NFIA: variants seen among roughly 807,000 people sequenced by gnomAD.
NFIA encodes nuclear factor I A.
NFIA carries 8 observed loss-of-function variants against 62.8 expected under a neutral mutation model. That is an observed-to-expected ratio of 0.13 (90% CI 0.07 to 0.23). The LOEUF (loss-of-function observed/expected upper bound fraction) is 0.23. Among genes scored for constraint, NFIA ranks in the 10% least tolerant of loss-of-function variants. NFIA has a pLI of 1.00. For missense variants in NFIA, 410 were observed against 642.1 expected (o/e 0.64, Z 3.91); for synonymous variants, 235 against 238.1 (o/e 0.99, Z 0.12).
At chr1:61,426,293 C>T (rs1218203562) in intron 9 of NFIA, among the ~76,000 whole-genome samples, 172 bp from the exon 10 acceptor site, 1 of 152,192 alleles carries the variant, frequency 6.6e-6, no homozygotes, top group African/African-American at 2.4e-5. Flanking sequence ...CCCTCTTCCC[C>T]CTTTTTTGAC....
In NFIA at chr1:61,460,801, T is replaced by C. The variant is rs1446194330; in HGVS notation, c.*5481T>C. ...GGTGATGTAAAATAACCGTACAATA[T>C]TAATGCATGCGATTCCATAATGCTT... On this transcript the variant is annotated 3_prime_UTR_variant, in exon 11 of 11. Coordinates refer to ENST00000403491, the MANE Select transcript of NFIA (RefSeq NM_001134673.4). 1 of 152,232 alleles carries C rather than the reference T, an allele frequency of 6.6e-6. No homozygotes were observed. Among genetic ancestry groups the C allele is most frequent in the Non-Finnish European group, 1.5e-5 (1 of 68,038 alleles). 9.4% of individuals were successfully genotyped at this position (152,232 alleles called of 1,614,324 possible). A position where few individuals can be genotyped will look rare whatever the true frequency, so the allele number is the denominator to read the frequency against.
intron 7 of NFIA, among the ~76,000 whole-genome samples, chr1:61,389,004 C>T (rs1331684351): frequency 3.9e-5 from 6 of 151,962 alleles, no homozygotes; most frequent in Non-Finnish European, 8.8e-5. Flanking sequence ...GTCCTAGATA[C>T]TCGGGAGGCT....
chr1:61,355,787 A>AT (rs1363285997), intron 5 of NFIA, among the ~76,000 whole-genome samples: 1 of 152,088 alleles, frequency 6.6e-6, no homozygotes, highest in East Asian at 1.9e-4. Flanking sequence ...AGGTCTCGCT[A>AT]TGTTGCCCAC....
intron 9 of NFIA, among the ~76,000 whole-genome samples, chr1:61,411,003 A>G (rs10489907): frequency 0.01 from 1,575 of 152,292 alleles, 32 homozygotes; most frequent in African/African-American, 0.036. Context: ...TCCCTTATGT[A>G]TTGATGGAAT....
intron 2 of NFIA, among the ~76,000 whole-genome samples, chr1:61,235,188 C>T (rs1039920267): frequency 6.6e-6 from 1 of 152,142 alleles, no homozygotes; most frequent in Non-Finnish European, 1.5e-5. Flanking sequence ...AGGGGCTGGG[C>T]GCGGTGGCTC....
chr1:61,136,763 T>C (rs1364091617), intron 2 of NFIA, among the ~76,000 whole-genome samples: 4 of 152,168 alleles, frequency 2.6e-5, no homozygotes, highest in Non-Finnish European at 5.9e-5. Context: ...CAGACCTGGG[T>C]TCAAATTCTA....
At chr1:61,427,616 G>A (rs1006210052) in intron 10 of NFIA, among the ~76,000 whole-genome samples, 1 of 152,054 alleles carries the variant, frequency 6.6e-6, no homozygotes, top group African/African-American at 2.4e-5. Flanking sequence ...CTCTGTAAAG[G>A]GCTTTGGTTT....
chr1:61,432,964 A>G (rs1667170590), intron 10 of NFIA, among the ~76,000 whole-genome samples: 1 of 152,198 alleles, frequency 6.6e-6, no homozygotes. Flanking sequence ...CCGAAGTTTC[A>G]GAAGAGTACA....
At chr1:61,231,876 A>G (rs1654695194) in intron 2 of NFIA, among the ~76,000 whole-genome samples, 1 of 152,062 alleles carries the variant, frequency 6.6e-6, no homozygotes, top group East Asian at 1.9e-4. Context: ...CAACAACAAA[A>G]AAAAACAAAA....
chr1:61,132,390 A>G (rs536312961), intron 2 of NFIA, among the ~76,000 whole-genome samples: 16 of 152,212 alleles, frequency 1.1e-4, no homozygotes, highest in Non-Finnish European at 1.5e-4. Flanking sequence ...TCACGATATT[A>G]ATGTTATGAA....
chr1:61,164,654 G>C (rs1426008654), intron 2 of NFIA, among the ~76,000 whole-genome samples: 1 of 151,982 alleles, frequency 6.6e-6, no homozygotes, highest in South Asian at 2.1e-4. Context: ...TAGAGATGGG[G>C]TTTCACCATG....
rs146089855 is a variant in NFIA at position 61,404,065 on chromosome 1, T to C, written c.1076-39T>C. On this transcript the variant is annotated intron_variant, in intron 7 of 10. Coordinates refer to ENST00000403491, the MANE Select transcript of NFIA (RefSeq NM_001134673.4). ...TCGGGTTCAGCTATGACAAAGCAGG[T>C]CTTTCTTTTCATAACCCTGATGTTT... 1,294 of 1,605,146 alleles carry C rather than the reference T, an allele frequency of 8.1e-4. 9 individuals carry two copies. The African/African-American group carries it at 0.015, about 19-fold the overall frequency.
intron 3 of NFIA, among the ~76,000 whole-genome samples, chr1:61,288,191 C>G (rs975328799): frequency 2.6e-5 from 4 of 152,096 alleles, no homozygotes; most frequent in Non-Finnish European, 5.9e-5. Flanking sequence ...TACTGGCAGA[C>G]CATTTACTCA....
At chr1:61,157,790 G>A (rs944675586) in intron 2 of NFIA, among the ~76,000 whole-genome samples, 5 of 152,180 alleles carry the variant, frequency 3.3e-5, no homozygotes, top group African/African-American at 7.2e-5. Flanking sequence ...GAAGCTTGGC[G>A]TAGAAGCCAT....
intron 3 of NFIA, among the ~76,000 whole-genome samples, chr1:61,313,558 C>G (rs1660219897): frequency 6.6e-6 from 1 of 152,152 alleles, no homozygotes; most frequent in Non-Finnish European, 1.5e-5. Context: ...CCCACCAGGC[C>G]ACACTTCCAA....
At chr1:61,293,925 A>C (rs992412796) in intron 3 of NFIA, among the ~76,000 whole-genome samples, 4 of 152,226 alleles carry the variant, frequency 2.6e-5, no homozygotes, top group African/African-American at 9.6e-5. Flanking sequence ...GAAGGCTTAG[A>C]GTGGCACCAG....
intron 1 of NFIA, among the ~76,000 whole-genome samples, chr1:61,085,250 A>G (rs998600146): frequency 2.0e-5 from 3 of 152,210 alleles, no homozygotes; most frequent in Admixed American, 6.5e-5. Context: ...ATATGGGCAT[A>G]TAATCAAATC....
chr1:61,320,479 T>C (rs1660622979), intron 3 of NFIA, among the ~76,000 whole-genome samples: 1 of 152,192 alleles, frequency 6.6e-6, no homozygotes, highest in Admixed American at 6.5e-5. Flanking sequence ...GTTCTAAACA[T>C]TAGCTAGTTT....
chr1:61,429,402 C>G (rs1667004471), intron 10 of NFIA, among the ~76,000 whole-genome samples: 1 of 152,200 alleles, frequency 6.6e-6, no homozygotes, highest in South Asian at 2.1e-4. Context: ...TGTCTGACAG[C>G]AAGGCCTGTG....
Sources: gnomAD v4.1 joint callset for allele counts (sites outside exome capture counted in the v4.1 genomes callset) on GRCh38, gnomAD v4.1.1 for gene constraint, MANE v1.5 for transcripts, NCBI Gene and HGNC (gene_info 2026-07-23, HGNC 2026-07-21) for gene names.